SLC26A5: variants seen among roughly 807,000 people sequenced by gnomAD.
SLC26A5 encodes the protein solute carrier family 26 member 5.
In SLC26A5, 51 loss-of-function variants were observed where a neutral mutation model predicts 81.0. The observed-to-expected ratio is 0.63, with a 90% CI of 0.50 to 0.80. The LOEUF (loss-of-function observed/expected upper bound fraction) is 0.80, where lower values mean the gene tolerates loss of function less well. Among genes scored for constraint, SLC26A5 ranks in the 30% least tolerant of loss-of-function variants. SLC26A5 has a pLI of 0.00. For synonymous variants in SLC26A5, 325 were observed against 332.8 expected (o/e 0.98, Z 0.25); for missense variants, 771 against 905.8 (o/e 0.85, Z 1.91).
At chr7:103,368,184 A>ATAAT (rs1357805204) in intron 19 of SLC26A5, 4 of 832,262 alleles carry the variant, frequency 4.8e-6, no homozygotes, top group African/African-American at 1.7e-5. Context: ...TTCTTGTAAT[A>ATAAT]TAATAAAAGG....
chr7:103,379,017 A>T (rs1821574097), intron 16 of SLC26A5, among the ~76,000 whole-genome samples: 2 of 152,332 alleles, frequency 1.3e-5, no homozygotes, highest in South Asian at 4.1e-4. Flanking sequence ...AGAATGAACA[A>T]TGGTGATGGC....
chr7:103,390,391 C>A (rs777913357), intron 12 of SLC26A5, 38 bp downstream of exon 12: 2 of 1,550,836 alleles, frequency 1.3e-6, no homozygotes, highest in South Asian at 2.2e-5. Context: ...AATCTCTACA[C>A]ATGAAAAAAA....
At position 103,362,833 on chromosome 7, in the gene SLC26A5, G is replaced by T. The variant is rs908287065; in HGVS notation, c.2042-9907C>A. On this transcript the variant is annotated intron_variant, in intron 19 of 19. Coordinates refer to the SLC26A5 transcript ENST00000339444. Reference sequence around the variant, plus strand: ...TTTTTTGAGGCGGAGTTTCACTCTTGTCCAGGCTGGAGTAGAATGGTGTGA... The same window carrying T: ...TTTTTTGAGGCGGAGTTTCACTCTTTTCCAGGCTGGAGTAGAATGGTGTGA... 136 of 1,108,392 alleles carry T rather than the reference G, an allele frequency of 1.2e-4. No homozygotes were observed. In the African/African-American group the frequency reaches 2.0e-3, roughly 16 times the overall value. The allele number at this position is 1,108,392 out of a possible 1,614,324, so 68.7% of individuals were successfully genotyped here. A position where few individuals can be genotyped will look rare whatever the true frequency, so the allele number is the denominator to read the frequency against.
downstream of SLC26A5, among the ~76,000 whole-genome samples, chr7:103,370,508 C>A (rs915753200): frequency 2.0e-5 from 3 of 152,128 alleles, no homozygotes; most frequent in African/African-American, 7.2e-5. Flanking sequence ...AGTGTACACT[C>A]AGAGGCTGGT....
intron 2 of SLC26A5, among the ~76,000 whole-genome samples, chr7:103,439,441 G>A (rs1826704030): frequency 6.6e-6 from 1 of 152,154 alleles, no homozygotes; most frequent in Non-Finnish European, 1.5e-5. Flanking sequence ...CTTGTCCACT[G>A]CTCCTTTCCT....
intron 19 of SLC26A5, chr7:103,361,828 A>C: frequency 4.6e-6 from 4 of 868,998 alleles, no homozygotes; most frequent in Non-Finnish European, 3.3e-6. Context: ...AAGGATCTTT[A>C]ACAGTGTCCC....
intron 8 of SLC26A5, among the ~76,000 whole-genome samples, chr7:103,405,157 T>C (rs1563551277): frequency 6.6e-6 from 1 of 152,182 alleles, no homozygotes; most frequent in Non-Finnish European, 1.5e-5. Context: ...GAGTTTGTTA[T>C]TACCCACCTT....
intron 8 of SLC26A5, among the ~76,000 whole-genome samples, chr7:103,400,744 A>G (rs956444082): frequency 6.6e-6 from 1 of 152,172 alleles, no homozygotes; most frequent in Admixed American, 6.5e-5. Context: ...TAATTTTTGT[A>G]TAAGGTGTAA....
downstream of SLC26A5, among the ~76,000 whole-genome samples, chr7:103,372,339 T>C (rs1821090480): frequency 6.6e-6 from 1 of 152,230 alleles, no homozygotes; most frequent in African/African-American, 2.4e-5. Flanking sequence ...ACAATTCTAC[T>C]GGGATCTGAC....
chr7:103,405,355 G>C (rs537468183), intron 8 of SLC26A5, among the ~76,000 whole-genome samples: 1 of 152,162 alleles, frequency 6.6e-6, no homozygotes, highest in African/African-American at 2.4e-5. Context: ...GGTGACCTTC[G>C]GATGGGGTTT....
chr7:103,408,058 C>G (rs1824198269), intron 7 of SLC26A5, 55 bp from the exon 8 acceptor site: 3 of 1,607,854 alleles, frequency 1.9e-6, no homozygotes, highest in Admixed American at 1.7e-5. Flanking sequence ...CTGAGAGAGA[C>G]AGAGACACTC....
chr7:103,374,972 T>TC (rs1442215132), intron 19 of SLC26A5, among the ~76,000 whole-genome samples: 1 of 148,292 alleles, frequency 6.7e-6, no homozygotes, highest in African/African-American at 2.5e-5. Flanking sequence ...ACTTTTCTTA[T>TC]CCCCAAAACA....
intron 8 of SLC26A5, among the ~76,000 whole-genome samples, chr7:103,399,369 A>G (rs1823396224): frequency 6.6e-6 from 1 of 152,188 alleles, no homozygotes. Flanking sequence ...GCCTAGCCCC[A>G]GTGAGAGAAG....
intron 11 of SLC26A5, among the ~76,000 whole-genome samples, chr7:103,390,892 A>G (rs1363525161): frequency 3.5e-5 from 5 of 143,020 alleles, no homozygotes; most frequent in Non-Finnish European, 1.5e-5. Flanking sequence ...TTTGAGACAG[A>G]CTCTCACTCT....
chr7:103,373,318 T>A (rs1821134750), downstream of SLC26A5, among the ~76,000 whole-genome samples: 1 of 152,190 alleles, frequency 6.6e-6, no homozygotes, highest in South Asian at 2.1e-4. Flanking sequence ...GATATTACGT[T>A]TTCTGAAGTG....
chr7:103,359,532 T>G (rs1820253884), intron 19 of SLC26A5, among the ~76,000 whole-genome samples: 1 of 152,188 alleles, frequency 6.6e-6, no homozygotes, highest in South Asian at 2.1e-4. Context: ...TTATCTACTT[T>G]CTGTTTCTAT....
At chr7:103,402,749 T>G (rs560880474) in intron 8 of SLC26A5, among the ~76,000 whole-genome samples, 1 of 152,298 alleles carries the variant, frequency 6.6e-6, no homozygotes, top group Non-Finnish European at 1.5e-5. Flanking sequence ...TTCTCATTTT[T>G]TACTGTGCCT....
chr7:103,391,478 G>A (rs1284667248), intron 11 of SLC26A5, 144 bp downstream of exon 11: 2 of 706,598 alleles, frequency 2.8e-6, no homozygotes, highest in Non-Finnish European at 5.1e-6. Flanking sequence ...AACCAATCAT[G>A]CCTTTCTCTG....
intron 9 of SLC26A5, among the ~76,000 whole-genome samples, chr7:103,396,869 C>T (rs1157117433): frequency 3.3e-5 from 5 of 151,862 alleles, no homozygotes; most frequent in South Asian, 4.2e-4. Context: ...CTGAGGCGGG[C>T]GGATCACATG....
Sources: gnomAD v4.1 joint callset for allele counts (sites outside exome capture counted in the v4.1 genomes callset) on GRCh38, gnomAD v4.1.1 for gene constraint, MANE v1.5 for transcripts, NCBI Gene and HGNC (gene_info 2026-07-23, HGNC 2026-07-21) for gene names.